Variants in PRMT8 observed in about 807,000 individuals in gnomAD.
PRMT8 encodes protein arginine N-methyltransferase 8.
Under a neutral mutation model 47.1 loss-of-function variants are expected in PRMT8, and 7 were observed. The observed-to-expected ratio is 0.15, with a 90% CI of 0.08 to 0.28. The LOEUF (loss-of-function observed/expected upper bound fraction) is 0.28, where lower values mean the gene tolerates loss of function less well. Among genes scored for constraint, PRMT8 ranks in the 10% least tolerant of loss-of-function variants. The pLI is 1.00. For synonymous variants in PRMT8, 188 were observed against 186.5 expected (o/e 1.01, Z -0.07); for missense variants, 237 against 505.4 (o/e 0.47, Z 5.09).
intron 1 of PRMT8, among the ~76,000 whole-genome samples, chr12:3,448,130 A>G (rs1864876993): frequency 6.6e-6 from 1 of 152,174 alleles, no homozygotes; most frequent in South Asian, 2.1e-4. Context: ...CTGAGCAGCT[A>G]GGACTACAGG....
chr12:3,437,556 C>T (rs1864757480), intron 1 of PRMT8, among the ~76,000 whole-genome samples: 1 of 150,924 alleles, frequency 6.6e-6, no homozygotes, highest in Non-Finnish European at 1.5e-5. Context: ...TGTCTGTTCC[C>T]TTCTTTGTGT....
intron 1 of PRMT8, among the ~76,000 whole-genome samples, chr12:3,539,570 C>T (rs751202364): frequency 5.3e-5 from 8 of 152,152 alleles, no homozygotes; most frequent in Non-Finnish European, 8.8e-5. Flanking sequence ...TCTGGGTCTC[C>T]TGCACTCCAG....
At chr12:3,543,038 C>T (rs114195146) in intron 2 of PRMT8, among the ~76,000 whole-genome samples, 2 of 152,312 alleles carry the variant, frequency 1.3e-5, no homozygotes, top group African/African-American at 2.4e-5. Flanking sequence ...CTTGTGCATA[C>T]GTATATATAA....
At chr12:3,592,495 A>T in intron 9 of PRMT8, 143 bp downstream of exon 9, 1 of 880,240 alleles carries the variant, frequency 1.1e-6, no homozygotes, top group African/African-American at 1.8e-5. Context: ...ACATGTGGAC[A>T]TGACTAGGCC....
intron 2 of PRMT8, among the ~76,000 whole-genome samples, chr12:3,549,113 AG>A (rs1427926366): frequency 6.6e-6 from 1 of 152,182 alleles, no homozygotes; most frequent in Non-Finnish European, 1.5e-5. Context: ...TCATCTTGGG[AG>A]AGGCTGAAGA....
At chr12:3,485,582 A>G (rs1372058666) in intron 1 of PRMT8, among the ~76,000 whole-genome samples, 1 of 152,242 alleles carries the variant, frequency 6.6e-6, no homozygotes, top group Non-Finnish European at 1.5e-5. Context: ...TGGTTTATCC[A>G]TACAGTGAGA....
At chr12:3,481,290 G>A (rs1865272104) in intron 1 of PRMT8, among the ~76,000 whole-genome samples, 2 of 152,220 alleles carry the variant, frequency 1.3e-5, no homozygotes, top group Non-Finnish European at 1.5e-5. Flanking sequence ...GGGCACTTTT[G>A]TCTATGGCTC....
At chr12:3,530,980 A>G (rs1467986313) in intron 1 of PRMT8, among the ~76,000 whole-genome samples, 3 of 152,234 alleles carry the variant, frequency 2.0e-5, no homozygotes, top group African/African-American at 7.2e-5. Context: ...TGACATGAAC[A>G]GGGAAGGAGA....
intron 1 of PRMT8, among the ~76,000 whole-genome samples, chr12:3,392,129 A>C (rs1864198610): frequency 6.6e-6 from 1 of 152,242 alleles, no homozygotes; most frequent in Admixed American, 6.5e-5. Context: ...CCAGAATTAC[A>C]GCCTGGGGCC....
chr12:3,581,856 T>C (rs971762603), intron 7 of PRMT8, among the ~76,000 whole-genome samples: 3 of 152,246 alleles, frequency 2.0e-5, no homozygotes, highest in African/African-American at 7.2e-5. Context: ...GAGTTAGGAC[T>C]TCTCTTTGAA....
rs1284425795 is a variant in PRMT8, at chr12:3,491,485, G to A, written c.-141G>A. ...CTGCAGAACAGACTCCGCTGTGGCTGACTGTGCCGGCCGACGCTCCAGCTG... is the reference window on the plus strand; with the variant it reads ...CTGCAGAACAGACTCCGCTGTGGCTAACTGTGCCGGCCGACGCTCCAGCTG... On this transcript the variant is annotated 5_prime_UTR_variant, in exon 1 of 10. An upstream open reading frame in the 5' UTR loses its in-frame stop. Coordinates refer to ENST00000382622, the MANE Select transcript of PRMT8 (RefSeq NM_019854.5). 4 of 1,441,830 alleles carry A rather than the reference G, an allele frequency of 2.8e-6. No homozygotes were observed. Among genetic ancestry groups the A allele is most frequent in the Non-Finnish European group, 2.7e-6 (3 of 1,101,102 alleles). The allele number at this position is 1,441,830 out of a possible 1,614,324, so 89.3% of individuals were successfully genotyped here. A position where few individuals can be genotyped will look rare whatever the true frequency, so the allele number is the denominator to read the frequency against.
chr12:3,550,101 C>T lies in PRMT8; in HGVS notation c.417+10C>T. 6.2e-7 allele frequency: 1 copy of T among 1,613,102 alleles called. No homozygotes were observed. The highest frequency in any genetic ancestry group is 1.7e-5 in the Admixed American group (1 of 60,022). ...CAAGAAGGTGTTTGGGGTGAGCACG[C>T]CGCTTCCTCCTGCATGCTGGCTTCC... is the stretch of plus-strand genomic sequence containing the variant. On this transcript the variant is annotated intron_variant, in intron 3 of 9. Transcript: ENST00000382622. The surrounding 1 kb of genome is among the most constrained non-coding windows in gnomAD (Gnocchi z 5.1).
chr12:3,528,958 A>G (rs1865985833), intron 1 of PRMT8, among the ~76,000 whole-genome samples: 1 of 152,174 alleles, frequency 6.6e-6, no homozygotes, highest in African/African-American at 2.4e-5. Context: ...GGGGAGAGCA[A>G]GAACTATTTC....
At chr12:3,511,128 T>A (rs1297909578) in intron 1 of PRMT8, among the ~76,000 whole-genome samples, 1 of 152,196 alleles carries the variant, frequency 6.6e-6, no homozygotes, top group Non-Finnish European at 1.5e-5. Context: ...TTTGCTCTTA[T>A]AACCTCACAC....
At chr12:3,403,268 G>A (rs1004328292) in intron 1 of PRMT8, among the ~76,000 whole-genome samples, 1 of 152,104 alleles carries the variant, frequency 6.6e-6, no homozygotes. Flanking sequence ...GCTGAATGAT[G>A]AGAACACATG....
chr12:3,382,696 A>G (rs547257332), intron 1 of PRMT8, among the ~76,000 whole-genome samples: 105 of 152,240 alleles, frequency 6.9e-4, no homozygotes, highest in African/African-American at 2.5e-3. Flanking sequence ...AGGATTTCTC[A>G]CAGAACAAAA....
intron 1 of PRMT8, among the ~76,000 whole-genome samples, chr12:3,435,253 G>A (rs1164503729): frequency 6.6e-6 from 1 of 152,064 alleles, no homozygotes; most frequent in Non-Finnish European, 1.5e-5. Context: ...ATAGGCATGA[G>A]CCACCCGGTC....
chr12:3,446,788 T>A lies in PRMT8; in HGVS notation c.48+65346T>A, dbSNP rs374343369. Among the ~76,000 whole-genome samples the A allele has an allele frequency of 3.7e-4, 57 of 152,344 alleles. No homozygotes were observed. In the East Asian group the frequency reaches 0.011, roughly 29 times the overall value. On this transcript the variant is annotated intron_variant, in intron 1 of 9. Transcript: ENST00000452611. ...CCATCAGAAAATGTTCCCTTTCTCT[T>A]GCCTCTCCTCTTTTATTTGATGTAC...
intron 1 of PRMT8, among the ~76,000 whole-genome samples, chr12:3,407,218 A>G (rs1864381456): frequency 6.6e-6 from 1 of 152,188 alleles, no homozygotes; most frequent in Non-Finnish European, 1.5e-5. Flanking sequence ...AACCACCCTC[A>G]TGATTTGATT....
Sources: gnomAD v4.1 joint callset for allele counts (sites outside exome capture counted in the v4.1 genomes callset) on GRCh38, gnomAD v4.1.1 for gene constraint, Gnocchi (gnomAD v3.1) non-coding constraint, MANE v1.5 for transcripts, NCBI Gene and HGNC (gene_info 2026-07-23, HGNC 2026-07-21) for gene names.